RPS6KA2: variants seen among roughly 807,000 people sequenced by gnomAD.
RPS6KA2 encodes the protein ribosomal protein S6 kinase A2.
RPS6KA2 carries 42 observed loss-of-function variants against 91.8 expected under a neutral mutation model. The observed-to-expected ratio is 0.46, with a 90% CI of 0.36 to 0.59. RPS6KA2 has a LOEUF of 0.59. Among genes scored for constraint, RPS6KA2 ranks in the 20% least tolerant of loss-of-function variants. The pLI, the probability that RPS6KA2 is intolerant of heterozygous loss-of-function variation, is 0.00. For missense variants in RPS6KA2, 798 were observed against 978.5 expected, an observed-to-expected ratio of 0.82 and a Z score of 2.46; for synonymous variants, 414 against 393.6, an observed-to-expected ratio of 1.05 and a Z score of -0.61.
chr6:166,597,882 G>A (rs557274304), intron 1 of RPS6KA2, among the ~76,000 whole-genome samples: 3 of 152,202 alleles, frequency 2.0e-5, no homozygotes, highest in South Asian at 4.2e-4. Flanking sequence ...AGCCCCAGCC[G>A]GGCACCGTGC....
intron 1 of RPS6KA2, among the ~76,000 whole-genome samples, chr6:166,609,848 T>C (rs1298535091): frequency 2.6e-5 from 4 of 152,226 alleles, no homozygotes; most frequent in African/African-American, 9.6e-5. Context: ...GTATATTTTA[T>C]TAATCTGTAA....
At chr6:166,625,074 C>T (rs1020034813) in intron 1 of RPS6KA2, among the ~76,000 whole-genome samples, 13 of 152,178 alleles carry the variant, frequency 8.5e-5, no homozygotes, top group African/African-American at 3.1e-4. Flanking sequence ...CCTCATAATC[C>T]GCCCGCCTTA....
rs1778658439 is a variant in RPS6KA2 at position 166,419,752 on chromosome 6, G to A, written c.1820+130C>T. On this transcript the variant is annotated intron_variant, in intron 18 of 20. Transcript: ENST00000265678. The surrounding 1 kb of genome is among the most constrained non-coding windows in gnomAD (Gnocchi z 5.6). Reference sequence around the variant, plus strand: ...GAGTGTTCACTCAAGGCCTGGGAGTGTTTGCATACACGTTGGGTTTGCCCA... The same window carrying A: ...GAGTGTTCACTCAAGGCCTGGGAGTATTTGCATACACGTTGGGTTTGCCCA... 3 of 711,524 alleles carry A rather than the reference G, an allele frequency of 4.2e-6. No individual in the cohort carries two copies. The highest frequency in any genetic ancestry group is 7.5e-6 in the Non-Finnish European group (3 of 400,940). The allele number at this position is 711,524 out of a possible 1,614,324, so 44.1% of individuals were successfully genotyped here.
rs535069537 is a variant in RPS6KA2 at position 166,642,835 on chromosome 6, G to A, written c.124-104051C>T. On this transcript the variant is annotated intron_variant, in intron 2 of 21. Transcript: ENST00000503859. ...TGCACCTTCTTGCTGAGTATGTGAC[G>A]AATGTCAGGCACTGACCACTGTTAA... 3.3e-5 allele frequency among the ~76,000 whole-genome samples: 5 copies of A among 152,344 alleles called. No individual in the cohort carries two copies. In the South Asian group the frequency reaches 8.3e-4, roughly 25 times the overall value.
intron 2 of RPS6KA2, among the ~76,000 whole-genome samples, chr6:166,745,304 A>C (rs1032501025): frequency 5.8e-4 from 88 of 152,100 alleles, no homozygotes; most frequent in South Asian, 1.2e-3. Context: ...GGTGTGTGCC[A>C]CCATGCCTGG....
At chr6:166,672,162 G>C (rs746326370) in intron 2 of RPS6KA2, among the ~76,000 whole-genome samples, 1 of 152,074 alleles carries the variant, frequency 6.6e-6, no homozygotes, top group Non-Finnish European at 1.5e-5. Context: ...AAATGTTATC[G>C]GGAGGTTAAA....
intron 2 of RPS6KA2, among the ~76,000 whole-genome samples, chr6:166,856,297 C>T (rs561939055): frequency 9.8e-5 from 15 of 152,294 alleles, no homozygotes; most frequent in African/African-American, 2.6e-4. Flanking sequence ...CCTTATCAAA[C>T]AGACCCCAGA....
chr6:166,768,548 T>A (rs1778382367), intron 2 of RPS6KA2, among the ~76,000 whole-genome samples: 1 of 152,108 alleles, frequency 6.6e-6, no homozygotes, highest in South Asian at 2.1e-4. Flanking sequence ...AGGAGACTGG[T>A]ATAACAATCT....
intron 2 of RPS6KA2, among the ~76,000 whole-genome samples, chr6:166,853,360 A>T (rs1396433138): frequency 6.6e-6 from 1 of 152,254 alleles, no homozygotes; most frequent in Non-Finnish European, 1.5e-5. Flanking sequence ...CCTAAAAATC[A>T]TCTATGTATC....
intron 1 of RPS6KA2, among the ~76,000 whole-genome samples, chr6:166,614,941 T>C (rs1447008108): frequency 6.6e-6 from 1 of 152,146 alleles, no homozygotes; most frequent in Non-Finnish European, 1.5e-5. Context: ...TTGCCACATA[T>C]GGGAACAGCT....
intron 2 of RPS6KA2, among the ~76,000 whole-genome samples, chr6:166,826,975 T>C (rs1235760668): frequency 6.6e-6 from 1 of 152,140 alleles, no homozygotes; most frequent in Non-Finnish European, 1.5e-5. Flanking sequence ...AGCCTACCTT[T>C]AACATAGAAG....
At chr6:166,425,320 C>T (rs1388062471) in intron 16 of RPS6KA2, among the ~76,000 whole-genome samples, 1 of 151,850 alleles carries the variant, frequency 6.6e-6, no homozygotes, top group African/African-American at 2.4e-5. Flanking sequence ...TGGAAAGGAA[C>T]AACAGGTACC....
At chr6:166,517,455 GTTTTTT>G (rs71032809) in intron 3 of RPS6KA2, among the ~76,000 whole-genome samples, 17 of 104,932 alleles carry the variant, frequency 1.6e-4, no homozygotes, top group Admixed American at 1.1e-3. Context: ...CTTTTGTTTT[GTTTTTT>G]TTTTTTTTTT....
chr6:166,550,245 A>G (rs2128499936), intron 1 of RPS6KA2, among the ~76,000 whole-genome samples: 1 of 152,368 alleles, frequency 6.6e-6, no homozygotes, highest in African/African-American at 2.4e-5. Flanking sequence ...ATGATAAACT[A>G]TGCGACATTC....
intron 3 of RPS6KA2, among the ~76,000 whole-genome samples, chr6:166,524,738 C>T (rs927803713): frequency 7.2e-5 from 11 of 152,316 alleles, no homozygotes; most frequent in Middle Eastern, 3.4e-3. Flanking sequence ...GAGAGCCTCA[C>T]GTCGGCAATG....
intron 2 of RPS6KA2, among the ~76,000 whole-genome samples, chr6:166,757,041 C>A (rs1475692357): frequency 6.6e-6 from 1 of 151,996 alleles, no homozygotes; most frequent in Non-Finnish European, 1.5e-5. Flanking sequence ...ATGGTTAAAA[C>A]TGAAAAATCT....
intron 2 of RPS6KA2, among the ~76,000 whole-genome samples, chr6:166,834,683 T>C (rs1322946978): frequency 2.0e-5 from 3 of 152,366 alleles, no homozygotes; most frequent in East Asian, 3.9e-4. Context: ...TCTTATTTTC[T>C]AGTTGTAAGA....
intron 2 of RPS6KA2, among the ~76,000 whole-genome samples, chr6:166,790,089 AT>A (rs907693320): frequency 9.2e-5 from 14 of 152,184 alleles, no homozygotes; most frequent in African/African-American, 3.4e-4. Flanking sequence ...ATTCACACCA[AT>A]GGCAAAGAAG....
intron 10 of RPS6KA2, among the ~76,000 whole-genome samples, chr6:166,473,943 T>C (rs1180723522): frequency 7.1e-6 from 1 of 141,562 alleles, no homozygotes; most frequent in African/African-American, 3.1e-5. Context: ...TTTAAAGGTT[T>C]TTTTTTTTTT....
Sources: allele counts gnomAD v4.1 joint callset (sites outside exome capture counted in the v4.1 genomes callset), GRCh38; gene constraint gnomAD v4.1.1; non-coding constraint Gnocchi (gnomAD v3.1); transcripts MANE v1.5; gene names NCBI Gene and HGNC (gene_info 2026-07-23, HGNC 2026-07-21).